PDE1C: variants seen among roughly 807,000 people sequenced by gnomAD.
PDE1C encodes phosphodiesterase 1C, also known as dual specificity calcium/calmodulin-dependent 3',5'-cyclic nucleotide phosphodiesterase 1C.
In PDE1C, 62 loss-of-function variants were observed where a neutral mutation model predicts 93.1. That is an observed-to-expected ratio of 0.67 (90% CI 0.54 to 0.82). The LOEUF is 0.82. PDE1C is among the 40% of genes least tolerant of loss of function. PDE1C has a pLI of 0.00. For synonymous variants in PDE1C, 325 were observed against 310.1 expected, an observed-to-expected ratio of 1.05 and a Z score of -0.50; for missense variants, 742 against 884.6, an observed-to-expected ratio of 0.84 and a Z score of 2.04.
chr7:32,041,110 A>G (rs996641753), intron 2 of PDE1C, among the ~76,000 whole-genome samples: 1 of 152,136 alleles, frequency 6.6e-6, no homozygotes, highest in Non-Finnish European at 1.5e-5. Context: ...GACTTTCCAC[A>G]CACCAAAGTC....
In PDE1C at chr7:31,961,857, A is replaced by G. The variant is rs142788569; in HGVS notation, c.129-80997T>C. 4.4e-4 allele frequency among the ~76,000 whole-genome samples: 67 copies of G among 152,330 alleles called. No homozygotes were observed. In the East Asian group the frequency reaches 0.013, roughly 29 times the overall value. The stretch of plus-strand genomic sequence containing the variant: ...AAACCATTTTCTTTATGTCCTTATC[A>G]ATGAGAGGAGTTAATGGATTGAACA... On this transcript the variant is annotated intron_variant, in intron 2 of 17. Transcript: ENST00000396191.
intron 3 of PDE1C, among the ~76,000 whole-genome samples, chr7:32,127,957 C>A (rs575703873): frequency 3.3e-5 from 5 of 151,854 alleles, no homozygotes; most frequent in African/African-American, 1.2e-4. Flanking sequence ...CTTACCCAAT[C>A]GGATAATAAT....
At chr7:32,378,817 A>G in intron 1 of PDE1C, among the ~76,000 whole-genome samples, 1 of 151,864 alleles carries the variant, frequency 6.6e-6, no homozygotes, top group East Asian at 1.9e-4. Flanking sequence ...AAAACCCCTA[A>G]CCTCTGCACT....
At chr7:31,691,135 C>T in the PDE1C span, among the ~76,000 whole-genome samples, 1 of 152,144 alleles carries the variant, frequency 6.6e-6, no homozygotes, top group African/African-American at 2.4e-5. Context: ...TGAAGTCACT[C>T]AGTACAATCA....
intron 2 of PDE1C, among the ~76,000 whole-genome samples, chr7:31,901,101 A>G (rs562323916): frequency 1.3e-5 from 2 of 150,830 alleles, no homozygotes; most frequent in African/African-American, 4.8e-5. Context: ...AAGGACTGGA[A>G]TAAGGCAAGG....
chr7:31,870,217 AC>A (rs1411108439), intron 6 of PDE1C, among the ~76,000 whole-genome samples: 1 of 151,950 alleles, frequency 6.6e-6, no homozygotes, highest in Non-Finnish European at 1.5e-5. Context: ...ATCAAACCAA[AC>A]TGAAATTAGT....
chr7:32,312,368 C>A (rs935069080), intron 1 of PDE1C, among the ~76,000 whole-genome samples: 1 of 151,942 alleles, frequency 6.6e-6, no homozygotes, highest in Non-Finnish European at 1.5e-5. Flanking sequence ...CCCCATCAAG[C>A]TACCAATGAC....
At chr7:31,805,136 C>T (rs187391796) in intron 16 of PDE1C, among the ~76,000 whole-genome samples, 423 of 151,842 alleles carry the variant, frequency 2.8e-3, no homozygotes, top group Admixed American at 0.01. Context: ...CCTCCTTTGC[C>T]TTCCACCATG....
At chr7:32,355,036 C>T (rs761359768) in intron 1 of PDE1C, among the ~76,000 whole-genome samples, 20 of 152,198 alleles carry the variant, frequency 1.3e-4, no homozygotes, top group African/African-American at 3.9e-4. Flanking sequence ...CAGGAGCTCT[C>T]ATCCCTGGCA....
Position 32,415,104 on chromosome 7 carries a change from GCCAAGTATTCGAGATCAGCCTGGGCAA to G in PDE1C, c.310+12691_310+12717del, listed in dbSNP as rs1785247234. On this transcript the variant is annotated intron_variant, in intron 1 of 1. Transcript: ENST00000672256. The stretch of plus-strand genomic sequence containing the variant: ...CAACACTTTGGGAGGATCGCTTGAG[GCCAAGTATTCGAGATCAGCCTGGGCAA>G]CCTAGCAAGACTCCTGTCTCTACAA... 3.9e-5 allele frequency among the ~76,000 whole-genome samples: 6 copies of G among 152,224 alleles called. 1 individual carries two copies. The South Asian group carries it at 1.2e-3, about 32-fold the overall frequency.
At chr7:32,065,562 G>C (rs1795305175) in intron 1 of PDE1C, among the ~76,000 whole-genome samples, 1 of 151,856 alleles carries the variant, frequency 6.6e-6, no homozygotes, top group South Asian at 2.1e-4. Flanking sequence ...ATTGCTGAAA[G>C]TTAAGTAAGT....
chr7:32,246,848 AT>A (rs1808998280), intron 1 of PDE1C, among the ~76,000 whole-genome samples: 1 of 152,248 alleles, frequency 6.6e-6, no homozygotes, highest in African/African-American at 2.4e-5. Flanking sequence ...AATACATAGC[AT>A]GTAAGATGAC....
At chr7:31,662,479 A>G in the PDE1C span, among the ~76,000 whole-genome samples, 1 of 152,074 alleles carries the variant, frequency 6.6e-6, no homozygotes, top group Non-Finnish European at 1.5e-5. Context: ...TGCACTTTCA[A>G]TAAGATTTTG....
chr7:32,129,514 A>G (rs975910514), intron 3 of PDE1C, among the ~76,000 whole-genome samples: 3 of 123,922 alleles, frequency 2.4e-5, no homozygotes, highest in South Asian at 4.6e-4. Flanking sequence ...TAAAAAATAC[A>G]TAATTTCAAA....
At chr7:32,295,945 G>GT (rs1196977842) in intron 1 of PDE1C, among the ~76,000 whole-genome samples, 2 of 148,246 alleles carry the variant, frequency 1.3e-5, no homozygotes, top group East Asian at 4.0e-4. Flanking sequence ...CAAAGATTTA[G>GT]TTTTTTATCA....
At chr7:31,651,767 GTTTT>G in the PDE1C span, among the ~76,000 whole-genome samples, 3 of 147,762 alleles carry the variant, frequency 2.0e-5, no homozygotes, top group African/African-American at 7.4e-5. Flanking sequence ...CAATAAAGTT[GTTTT>G]TTTTTTTTAA....
At chr7:32,427,707 T>C (rs1357917083) in intron 1 of PDE1C, among the ~76,000 whole-genome samples, 1 of 152,208 alleles carries the variant, frequency 6.6e-6, no homozygotes, top group East Asian at 1.9e-4. Context: ...AAAGAAGTTA[T>C]GGACACGAGG....
chr7:32,254,118 G>T (rs939819179), intron 1 of PDE1C, among the ~76,000 whole-genome samples: 1 of 152,166 alleles, frequency 6.6e-6, no homozygotes, highest in African/African-American at 2.4e-5. Flanking sequence ...CAGAGGATCT[G>T]GACTGGGCTA....
chr7:31,934,597 G>A (rs183913352), intron 2 of PDE1C, among the ~76,000 whole-genome samples: 43 of 151,372 alleles, frequency 2.8e-4, no homozygotes, highest in Non-Finnish European at 5.9e-4. Flanking sequence ...TACGTGAGTT[G>A]ATACTGGTCT....
Sources: gnomAD v4.1 joint callset for allele counts (sites outside exome capture counted in the v4.1 genomes callset) on GRCh38, gnomAD v4.1.1 for gene constraint, MANE v1.5 for transcripts, NCBI Gene and HGNC (gene_info 2026-07-23, HGNC 2026-07-21) for gene names.